PDE4C: variants seen among roughly 807,000 people sequenced by gnomAD.
PDE4C encodes 3',5'-cyclic-AMP phosphodiesterase 4C.
In PDE4C, 50 loss-of-function variants were observed where a neutral mutation model predicts 63.9. The ratio of observed to expected loss-of-function variants is 0.78; its 90% confidence interval spans 0.62 to 0.99. The LOEUF (loss-of-function observed/expected upper bound fraction) is 0.99. Ranked by LOEUF, PDE4C falls within the 50% of genes least tolerant of loss-of-function variation. The pLI is 0.00. For synonymous variants in PDE4C, 377 were observed against 385.1 expected (o/e 0.98, Z 0.25); for missense variants, 777 against 899.1 (o/e 0.86, Z 1.74).
chr19:18,248,425 A>C (rs1235685913), upstream of PDE4C, among the ~76,000 whole-genome samples: 1 of 2,468 alleles, frequency 4.1e-4, no homozygotes, highest in Non-Finnish European at 6.9e-4. Context: ...CCGGGCATGG[A>C]GGGGGAGGGG....
chr19:18,233,417 G>A (rs1163272482), exon 1 of PDE4C: 3 of 709,902 alleles, frequency 4.2e-6, no homozygotes, highest in African/African-American at 1.7e-5. Flanking sequence ...GGTAGAACAG[G>A]GGAGAAGAAC....
upstream of PDE4C, among the ~76,000 whole-genome samples, chr19:18,227,610 C>A (rs943257307): frequency 6.6e-6 from 1 of 152,178 alleles, no homozygotes; most frequent in East Asian, 1.9e-4. Flanking sequence ...TTCCACTTTA[C>A]AGAAAAGGAA....
downstream of PDE4C, chr19:18,209,719 T>C (rs1474184352): frequency 7.2e-6 from 1 of 138,956 alleles, no homozygotes; most frequent in East Asian, 2.2e-4. Flanking sequence ...TTTGAGACAG[T>C]GTCTTGCTCT....
intron 1 of PDE4C, among the ~76,000 whole-genome samples, chr19:18,242,049 A>G (rs1334368500): frequency 6.6e-6 from 1 of 152,186 alleles, no homozygotes; most frequent in Non-Finnish European, 1.5e-5. Context: ...TTTTCTGAGG[A>G]GGTGGCTTTG....
intron 14 of PDE4C, 22 bp from the exon 15 acceptor site, chr19:18,211,298 G>A (rs1360987569): frequency 2.6e-6 from 4 of 1,541,424 alleles, no homozygotes; most frequent in Non-Finnish European, 3.5e-6. Context: ...GGTGGGGCAT[G>A]TCGGCATTTG....
chr19:18,242,326 A>G (rs920128115), intron 1 of PDE4C, among the ~76,000 whole-genome samples: 1 of 151,256 alleles, frequency 6.6e-6, no homozygotes, highest in Non-Finnish European at 1.5e-5. Context: ...AAATACAAAA[A>G]TTACCTGGGT....
chr19:18,220,271 G>A lies in PDE4C; in HGVS notation c.661C>T (p.Arg221Cys), dbSNP rs369131996. The A allele has an allele frequency of 3.5e-5, 57 of 1,614,026 alleles. No individual in the cohort carries two copies. The East Asian group carries it at 3.8e-4, about 11-fold the overall frequency. Reference sequence around the variant, plus strand: ...TACTCGGACACCTGGTTCCCGGAGCGGCTGGTTTCGGACAGGTGGGTCAAC... The same window carrying A: ...TACTCGGACACCTGGTTCCCGGAGCAGCTGGTTTCGGACAGGTGGGTCAAC... The change falls in exon 7 of 15, where the codon CGC becomes TGC. Residue 221 changes from arginine (R) to cysteine (C), a missense_variant. Around this residue, in one of 3 missense-constraint regions of PDE4C, gnomAD observed 500 missense variants for 597.8 expected, o/e 0.84. Coordinates refer to ENST00000262805, the Ensembl canonical transcript of PDE4C. This position sits in a 1 kb window ranked among gnomAD's most constrained non-coding sequence, Gnocchi z 5.1.
chr19:18,211,022 G>T (rs1209622428), exon 15 of PDE4C: 1 of 1,614,174 alleles, frequency 6.2e-7, no homozygotes, highest in Admixed American at 1.7e-5. Context: ...AGGCCTCTTT[G>T]GCTAAAGCTG....
At chr19:18,223,399 G>A (rs1013079488) in intron 1 of PDE4C, among the ~76,000 whole-genome samples, 3 of 151,910 alleles carry the variant, frequency 2.0e-5, no homozygotes, top group Non-Finnish European at 2.9e-5. Flanking sequence ...TAGTAGAGAC[G>A]GGGTTTCTCC....
chr19:18,211,295 C>T lies in PDE4C; in HGVS notation c.1696-19G>A, dbSNP rs1183479789. On this transcript the variant is annotated intron_variant, in intron 14 of 14. Coordinates refer to ENST00000262805, the Ensembl canonical transcript of PDE4C. Reference sequence around the variant, plus strand: ...AACCCACCTGTGGCGGGGGGTGGGGCATGTCGGCATTTGGTGAGTTACAGT... The same window carrying T: ...AACCCACCTGTGGCGGGGGGTGGGGTATGTCGGCATTTGGTGAGTTACAGT... The T allele has an allele frequency of 1.3e-6, 2 of 1,544,016 alleles. No homozygotes were observed. The highest frequency in any genetic ancestry group is 1.8e-6 in the Non-Finnish European group (2 of 1,140,920).
intron 1 of PDE4C, among the ~76,000 whole-genome samples, chr19:18,241,502 C>G (rs564659160): frequency 9.9e-5 from 15 of 152,104 alleles, no homozygotes; most frequent in Admixed American, 4.6e-4. Flanking sequence ...CTCCTGACCT[C>G]ATGATCTGCC....
rs114220855 is a variant in PDE4C, at chr19:18,231,695, G to A, written c.242+1255C>T. Among the ~76,000 whole-genome samples the A allele has an allele frequency of 3.4e-3, 521 of 152,232 alleles. 6 individuals carry two copies. Among genetic ancestry groups the A allele is most frequent in the African/African-American group, 0.012 (505 of 41,548 alleles). Reference sequence around the variant, plus strand: ...CTCAGCCTGGACTGAAATCTGGGATGCTGGTCCAGCTGACTTGGTTCTCCC... The same window carrying A: ...CTCAGCCTGGACTGAAATCTGGGATACTGGTCCAGCTGACTTGGTTCTCCC... On this transcript the variant is annotated intron_variant, in intron 1 of 14. Transcript: ENST00000594465.
chr19:18,253,064 T>C (rs1205185340), upstream of PDE4C, among the ~76,000 whole-genome samples: 1 of 152,216 alleles, frequency 6.6e-6, no homozygotes, highest in African/African-American at 2.4e-5. Context: ...CAAGTGCAGA[T>C]CAGCGTTCCC....
chr19:18,243,388 G>A (rs911879411), intron 1 of PDE4C, among the ~76,000 whole-genome samples: 14 of 152,168 alleles, frequency 9.2e-5, no homozygotes, highest in African/African-American at 3.1e-4. Context: ...GATTACAGGC[G>A]TGAGCCACCA....
chr19:18,226,602 C>G, upstream of PDE4C: 1 of 362,964 alleles, frequency 2.8e-6, no homozygotes, highest in Non-Finnish European at 4.8e-6. Flanking sequence ...CAACTCTCTG[C>G]TCCTTTTTTT....
chr19:18,254,481 A>T, the PDE4C span, among the ~76,000 whole-genome samples: 11 of 152,316 alleles, frequency 7.2e-5, no homozygotes, highest in African/African-American at 2.6e-4. Flanking sequence ...AGAGACTCCT[A>T]GACTGGGAGG....
rs1968521841 is a variant in PDE4C, at chr19:18,222,341, A to G, written c.147-18T>C. The G allele has an allele frequency of 6.3e-7, 1 of 1,599,692 alleles. No homozygotes were observed. The highest frequency in any genetic ancestry group is 8.5e-7 in the Non-Finnish European group (1 of 1,171,724). ...GGTCAAAGCTGAAAGGAGAGACGGC[A>G]TGGTCAGAGACGAGGGTCATGACAA... On this transcript the variant is annotated intron_variant, in intron 1 of 14. Transcript: ENST00000262805.
At chr19:18,216,769 A>C (rs1193246479) in exon 12 of PDE4C, 2 of 1,613,210 alleles carry the variant, frequency 1.2e-6, no homozygotes, top group Admixed American at 3.3e-5. Flanking sequence ...GCGCAGACTC[A>C]GTCGCTGCTT....
rs1253154796 is a variant in PDE4C, at chr19:18,220,121, G to A, written c.706+105C>T. On this transcript the variant is annotated intron_variant, in intron 7 of 14. Coordinates refer to ENST00000262805, the Ensembl canonical transcript of PDE4C. The surrounding 1 kb of genome is among the most constrained non-coding windows in gnomAD (Gnocchi z 5.1). ...TGACTCATGGGGGCTGAAGGTGTCT[G>A]TGTCTGGCTGTATCTCCCCCAGACT... is the stretch of plus-strand genomic sequence containing the variant. The A allele has an allele frequency of 7.8e-6, 7 of 893,532 alleles. No individual in the cohort carries two copies. The highest frequency in any genetic ancestry group is 3.3e-5 in the African/African-American group (2 of 61,272). The allele number at this position is 893,532 out of a possible 1,614,324, so 55.4% of individuals were successfully genotyped here.
Sources: gnomAD v4.1 joint callset for allele counts (sites outside exome capture counted in the v4.1 genomes callset) on GRCh38, gnomAD v4.1.1 for gene constraint, gnomAD v4.1.1 regional missense constraint, Gnocchi (gnomAD v3.1) non-coding constraint, MANE v1.5 for transcripts, NCBI Gene and HGNC (gene_info 2026-07-23, HGNC 2026-07-21) for gene names.